DUSP22: variants seen among roughly 807,000 people sequenced by gnomAD.
DUSP22 encodes dual specificity phosphatase 22.
Under a neutral mutation model 24.5 loss-of-function variants are expected in DUSP22, and 24 were observed. That is an observed-to-expected ratio of 0.98 (90% CI 0.71 to 1.38). The LOEUF (loss-of-function observed/expected upper bound fraction) is 1.38, where lower values mean the gene tolerates loss of function less well. DUSP22 is among the 40% of genes most tolerant of loss of function. The probability of loss-of-function intolerance (pLI) is 0.00; values close to 1 mark genes in which losing one functional copy is unlikely to be tolerated. For synonymous variants in DUSP22, 160 were observed against 106.4 expected (o/e 1.50, Z -3.10); for missense variants, 330 against 269.2 (o/e 1.23, Z -1.58).
intron 6 of DUSP22, 126 bp downstream of exon 6, chr6:348,400 C>T (rs1759992689): frequency 1.4e-6 from 2 of 1,455,346 alleles, no homozygotes; most frequent in Admixed American, 4.3e-5. Flanking sequence ...CATCGGCTCC[C>T]AGGGCGCCCA....
chr6:297,037 C>G (rs989029408), intron 1 of DUSP22, among the ~76,000 whole-genome samples: 1 of 152,312 alleles, frequency 6.6e-6, no homozygotes, highest in East Asian at 1.9e-4. Context: ...CATCTTGTTT[C>G]CATGGGGAGC....
intron 5 of DUSP22, among the ~76,000 whole-genome samples, chr6:347,745 G>C (rs533125372): frequency 6.6e-6 from 1 of 152,420 alleles, no homozygotes; most frequent in Non-Finnish European, 1.5e-5. Context: ...TTGTCGCGTA[G>C]GCCCTGGAAG....
intron 3 of DUSP22, among the ~76,000 whole-genome samples, chr6:330,387 C>T (rs1419385044): frequency 5.9e-5 from 9 of 152,306 alleles, no homozygotes; most frequent in African/African-American, 1.7e-4. Context: ...GTTTATCTTC[C>T]TTGTGCAAAG....
chr6:347,602 A>C (rs1759944014), intron 5 of DUSP22, among the ~76,000 whole-genome samples: 1 of 152,310 alleles, frequency 6.6e-6, no homozygotes, highest in Non-Finnish European at 1.5e-5. Flanking sequence ...GGAAGAGTAC[A>C]AAAGTAAGAT....
At chr6:314,913 C>A (rs1414799549) in intron 3 of DUSP22, among the ~76,000 whole-genome samples, 1 of 152,298 alleles carries the variant, frequency 6.6e-6, no homozygotes, top group Non-Finnish European at 1.5e-5. Flanking sequence ...GTTGGGGTTT[C>A]CCAAAATAGC....
intron 1 of DUSP22, among the ~76,000 whole-genome samples, chr6:294,119 G>A (rs1757217815): frequency 6.6e-6 from 1 of 152,302 alleles, no homozygotes; most frequent in Non-Finnish European, 1.5e-5. Context: ...TAGGAATACA[G>A]ATGGTTGCCT....
intron 4 of DUSP22, among the ~76,000 whole-genome samples, chr6:342,299 A>G (rs559700492): frequency 6.6e-5 from 10 of 152,416 alleles, no homozygotes; most frequent in Admixed American, 4.6e-4. Context: ...CTGACCAGAA[A>G]GAGACCCACA....
chr6:341,764 C>T (rs1200699816), intron 4 of DUSP22, among the ~76,000 whole-genome samples: 3 of 152,310 alleles, frequency 2.0e-5, no homozygotes, highest in African/African-American at 7.2e-5. Flanking sequence ...CTGGACTTAA[C>T]TCTTACTACA....
intron 1 of DUSP22, among the ~76,000 whole-genome samples, chr6:295,655 G>A (rs1373151599): frequency 2.6e-5 from 4 of 152,070 alleles, no homozygotes; most frequent in Non-Finnish European, 4.4e-5. Flanking sequence ...GCAATCAGCC[G>A]AGTGTGTGGT....
chr6:314,137 C>T (rs377380607), intron 3 of DUSP22, among the ~76,000 whole-genome samples: 738 of 152,066 alleles, frequency 4.9e-3, no homozygotes, highest in African/African-American at 0.017. Context: ...TGAAGGTGAG[C>T]GGGGAGACTG....
chr6:342,970 C>T (rs367877346), intron 4 of DUSP22, among the ~76,000 whole-genome samples: 82 of 152,402 alleles, frequency 5.4e-4, no homozygotes, highest in African/African-American at 1.9e-3. Context: ...TGGGGAGCTC[C>T]CAGCTGGCTA....
In DUSP22 at chr6:340,199, T is replaced by C. The variant is rs553152464; in HGVS notation, c.188+5036T>C. On this transcript the variant is annotated intron_variant, in intron 4 of 6. Coordinates refer to ENST00000419235, the MANE Select transcript of DUSP22 (RefSeq NM_001286555.3). ...ACAATATATGCATCCCCCAATTCTA[T>C]TTTTAATGTTGACAGTGCGTGAAAT... is the stretch of plus-strand genomic sequence containing the variant. Among the ~76,000 whole-genome samples, 6 of 152,430 alleles carry C rather than the reference T, an allele frequency of 3.9e-5. No homozygotes were observed. The East Asian group carries it at 5.8e-4, about 15-fold the overall frequency.
intron 3 of DUSP22, among the ~76,000 whole-genome samples, chr6:331,879 T>C (rs1759155073): frequency 6.6e-6 from 1 of 152,422 alleles, no homozygotes; most frequent in Non-Finnish European, 1.5e-5. Context: ...ATATTCTTAT[T>C]GTGGATCACG....
chr6:299,462 T>C (rs1253491858), intron 1 of DUSP22, among the ~76,000 whole-genome samples: 4 of 152,308 alleles, frequency 2.6e-5, no homozygotes, highest in African/African-American at 4.8e-5. Context: ...GAAGTTGAAA[T>C]ATTCATGGGC....
At chr6:321,257 G>C (rs991272685) in intron 3 of DUSP22, among the ~76,000 whole-genome samples, 1 of 152,308 alleles carries the variant, frequency 6.6e-6, no homozygotes, top group Non-Finnish European at 1.5e-5. Flanking sequence ...AGCTCACCAG[G>C]GTGGCTGGAC....
intron 1 of DUSP22, 149 bp from the exon 2 acceptor site, chr6:304,479 G>A: frequency 1.6e-6 from 2 of 1,212,278 alleles, no homozygotes; most frequent in South Asian, 1.2e-5. Flanking sequence ...CGCTGGGGAT[G>A]TTGGGTCACC....
intron 3 of DUSP22, among the ~76,000 whole-genome samples, chr6:333,473 C>G (rs369301100): frequency 1.3e-3 from 195 of 152,362 alleles, no homozygotes; most frequent in African/African-American, 4.4e-3. Context: ...CATACAGAAA[C>G]TGTGAGGGGA....
chr6:312,107 T>TG, intron 3 of DUSP22, 145 bp downstream of exon 3: 1 of 931,588 alleles, frequency 1.1e-6, no homozygotes. Context: ...GTTCAGGCCG[T>TG]GTTGATGTTA....
chr6:328,828 A>AG (rs1224677507), intron 3 of DUSP22, among the ~76,000 whole-genome samples: 40 of 152,410 alleles, frequency 2.6e-4, no homozygotes, highest in Non-Finnish European at 5.0e-4. Flanking sequence ...CAAAAAAGAG[A>AG]GGAGAGGTCT....
Sources: gnomAD v4.1 joint callset for allele counts (sites outside exome capture counted in the v4.1 genomes callset) on GRCh38, gnomAD v4.1.1 for gene constraint, MANE v1.5 for transcripts, NCBI Gene and HGNC (gene_info 2026-07-23, HGNC 2026-07-21) for gene names.